TMEM167A: variants seen among roughly 807,000 people sequenced by gnomAD.
TMEM167A encodes transmembrane protein 167A, also known as protein kish-A.
In TMEM167A, 8 loss-of-function variants were observed where a neutral mutation model predicts 11.6. That is an observed-to-expected ratio of 0.69 (90% CI 0.40 to 1.24). The LOEUF is 1.24. TMEM167A is among the 50% of genes most tolerant of loss of function. The pLI is 0.01. For missense variants in TMEM167A, 62 were observed against 87.0 expected, an observed-to-expected ratio of 0.71 and a Z score of 1.14; for synonymous variants, 22 against 28.0, an observed-to-expected ratio of 0.79 and a Z score of 0.67.
At position 83,052,990 on chromosome 5, in the gene TMEM167A, T is replaced by C. The variant is rs1249999125; in HGVS notation, c.*4094A>G. On this transcript the variant is annotated 3_prime_UTR_variant, in exon 4 of 4. Coordinates refer to ENST00000502346, the MANE Select transcript of TMEM167A (RefSeq NM_174909.5). ...TGATATTGGAGTAGCATTTCAGATT[T>C]TGGAGATTAGCTTAGGGCAAAGTAA... is the stretch of plus-strand genomic sequence containing the variant. 3 of 152,000 alleles carry C rather than the reference T, an allele frequency of 2.0e-5. No homozygotes were observed. Among genetic ancestry groups the C allele is most frequent in the South Asian group, 2.1e-4 (1 of 4,822 alleles). 9.4% of individuals were successfully genotyped at this position (152,000 alleles called of 1,614,324 possible).
chr5:83,064,978 T>G (rs751569898), intron 2 of TMEM167A, 30 bp downstream of exon 2: 1 of 1,257,086 alleles, frequency 8.0e-7, no homozygotes, highest in Non-Finnish European at 1.1e-6. Flanking sequence ...AAGAACTAAT[T>G]TGGGTGATTA....
chr5:83,067,677 G>A (rs1193657893), intron 1 of TMEM167A, among the ~76,000 whole-genome samples: 6 of 148,538 alleles, frequency 4.0e-5, no homozygotes, highest in Admixed American at 6.6e-5. Flanking sequence ...GCTAAATTTT[G>A]TATTTTTTTT....
In TMEM167A at chr5:83,057,174, G is replaced by A. The variant is rs7725040; in HGVS notation, c.149-20C>T. 4.9e-4 allele frequency: 786 copies of A among 1,608,732 alleles called. 2 individuals are homozygous for A. In the African/African-American group the frequency reaches 8.9e-3, roughly 18 times the overall value. Reference sequence around the variant, plus strand: ...GTTCACCTGTTGAAAAAAAGGAGATGTTCATCTTGATTAACTGAGTGGCTA... The same window carrying A: ...GTTCACCTGTTGAAAAAAAGGAGATATTCATCTTGATTAACTGAGTGGCTA... On this transcript the variant is annotated intron_variant, in intron 3 of 3. Transcript: ENST00000502346.
At position 83,056,925 on chromosome 5, in the gene TMEM167A, C is replaced by T. The variant is rs1744340573; in HGVS notation, c.*159G>A. ...TTACATCTTAATTGTTTATACAGAA[C>T]ATTGGTCCAATAACATTAAAATAGA... On this transcript the variant is annotated 3_prime_UTR_variant, in exon 4 of 4. Coordinates refer to ENST00000502346, the MANE Select transcript of TMEM167A (RefSeq NM_174909.5). 5.7e-6 allele frequency: 4 copies of T among 696,698 alleles called. No homozygotes were observed. In the East Asian group the frequency reaches 1.1e-4, roughly 19 times the overall value. The allele number at this position is 696,698 out of a possible 1,614,324, so 43.2% of individuals were successfully genotyped here.
At chr5:83,063,621 A>G (rs1316836508) in intron 2 of TMEM167A, among the ~76,000 whole-genome samples, 1 of 152,090 alleles carries the variant, frequency 6.6e-6, no homozygotes, top group African/African-American at 2.4e-5. Flanking sequence ...TAACTCAGAG[A>G]CTTAGCAGCA....
At chr5:83,064,536 G>A (rs1401191570) in intron 2 of TMEM167A, among the ~76,000 whole-genome samples, 1 of 152,074 alleles carries the variant, frequency 6.6e-6, no homozygotes, top group East Asian at 1.9e-4. Flanking sequence ...TTTACAGTTG[G>A]CGGGTACAGA....
Position 83,065,031 on chromosome 5 carries a change from G to T in TMEM167A, c.90C>A (p.Ser30Arg). The T allele has an allele frequency of 6.2e-7, 1 of 1,605,334 alleles. No individual in the cohort carries two copies. The highest frequency in any genetic ancestry group is 1.3e-5 in the African/African-American group (1 of 74,616). The change falls in exon 2 of 4, where the codon AGC (serine) becomes AGA (arginine). Residue 30 changes from serine to arginine, a missense_variant. Transcript: ENST00000502346. ...ACCCAGTTTTATTTCTGTCCAGGAG[G>T]CTGGGTGCCAAGGATCGAATATAAG... Reference protein sequence around the residue: ...TCAYIRSLAPSLLDRNKTGLL... With the variant: ...TCAYIRSLAPRLLDRNKTGLL...
chr5:83,067,396 T>G (rs1744498703), intron 1 of TMEM167A, among the ~76,000 whole-genome samples: 1 of 152,222 alleles, frequency 6.6e-6, no homozygotes, highest in Non-Finnish European at 1.5e-5. Context: ...TTATGCACAA[T>G]GCTAAGCAGT....
chr5:83,060,271 T>C (rs972181296), intron 3 of TMEM167A, among the ~76,000 whole-genome samples: 1 of 151,924 alleles, frequency 6.6e-6, no homozygotes, highest in Non-Finnish European at 1.5e-5. Context: ...GTTGTCAGAC[T>C]GGCTAACAAT....
intron 3 of TMEM167A, among the ~76,000 whole-genome samples, chr5:83,058,262 A>G (rs930871834): frequency 3.9e-5 from 6 of 152,062 alleles, no homozygotes; most frequent in Non-Finnish European, 1.5e-5. Context: ...CTGCCATATT[A>G]TTGAGTTTAT....
chr5:83,063,377 A>G (rs1744433914), intron 2 of TMEM167A, among the ~76,000 whole-genome samples: 2 of 152,158 alleles, frequency 1.3e-5, no homozygotes, highest in East Asian at 3.9e-4. Context: ...ACATGTGATA[A>G]CTCTAGGTAT....
At chr5:83,066,593 A>G (rs900434012) in intron 1 of TMEM167A, among the ~76,000 whole-genome samples, 4 of 152,200 alleles carry the variant, frequency 2.6e-5, no homozygotes, top group African/African-American at 7.2e-5. Context: ...TCAAAGAAAA[A>G]AACTGACAAA....
chr5:83,059,513 A>G (rs1377296918), intron 3 of TMEM167A, among the ~76,000 whole-genome samples: 1 of 148,734 alleles, frequency 6.7e-6, no homozygotes, highest in African/African-American at 2.6e-5. Context: ...TTTCTTGGCC[A>G]TATTCTTTCT....
intron 1 of TMEM167A, among the ~76,000 whole-genome samples, chr5:83,076,876 C>CT (rs1185545688): frequency 6.6e-6 from 1 of 152,174 alleles, no homozygotes; most frequent in Non-Finnish European, 1.5e-5. Flanking sequence ...AGGCTACTGA[C>CT]TAAACAGATG....
rs182439710 is a variant in TMEM167A at position 83,058,441 on chromosome 5, C to A, written c.149-1287G>T. Among the ~76,000 whole-genome samples, 57 of 152,086 alleles carry A rather than the reference C, an allele frequency of 3.7e-4. No homozygotes were observed. The East Asian group carries it at 9.3e-3, about 25-fold the overall frequency. ...TGAAACTGTTTTTACAATACCATCA[C>A]CTCAACTGAAAATAAAAATCTTTTA... On this transcript the variant is annotated intron_variant, in intron 3 of 3. Transcript: ENST00000502346.
chr5:83,059,197 T>C (rs560256360), intron 3 of TMEM167A, among the ~76,000 whole-genome samples: 3 of 151,702 alleles, frequency 2.0e-5, no homozygotes, highest in African/African-American at 7.3e-5. Flanking sequence ...AGACACTATT[T>C]ATACTCAGAC....
At chr5:83,072,641 G>A (rs1458441492) in intron 1 of TMEM167A, among the ~76,000 whole-genome samples, 1 of 152,194 alleles carries the variant, frequency 6.6e-6, no homozygotes, top group Non-Finnish European at 1.5e-5. Context: ...CAATTATCCT[G>A]CCTCAGCCTC....
At chr5:83,064,483 G>T (rs191830197) in intron 2 of TMEM167A, 5 of 398,776 alleles carry the variant, frequency 1.3e-5, no homozygotes, top group Non-Finnish European at 1.9e-5. Flanking sequence ...TCATCAATAG[G>T]AATAAGTGTT....
intron 1 of TMEM167A, among the ~76,000 whole-genome samples, chr5:83,076,851 T>C (rs537906035): frequency 2.4e-4 from 36 of 152,210 alleles, no homozygotes; most frequent in Middle Eastern, 3.4e-3. Context: ...GAGAAGAAGG[T>C]GGAAGGGTCT....
Sources: allele counts gnomAD v4.1 joint callset (sites outside exome capture counted in the v4.1 genomes callset), GRCh38; gene constraint gnomAD v4.1.1; transcripts MANE v1.5; gene names NCBI Gene and HGNC (gene_info 2026-07-23, HGNC 2026-07-21).